TESK2: variants seen among roughly 807,000 people sequenced by gnomAD.
TESK2 encodes dual specificity testis-specific protein kinase 2.
In TESK2, 39 loss-of-function variants were observed where a neutral mutation model predicts 57.1. The ratio of observed to expected loss-of-function variants is 0.68; its 90% CI spans 0.53 to 0.89. The LOEUF is 0.89. Ranked by LOEUF, TESK2 falls within the 40% of genes least tolerant of loss-of-function variation. TESK2 has a pLI of 0.00. For synonymous variants in TESK2, 249 were observed against 267.9 expected (o/e 0.93, Z 0.69); for missense variants, 646 against 732.1 (o/e 0.88, Z 1.36).
intron 1 of TESK2, among the ~76,000 whole-genome samples, chr1:45,458,812 C>T (rs1040194242): frequency 6.6e-6 from 1 of 152,104 alleles, no homozygotes; most frequent in South Asian, 2.1e-4. Flanking sequence ...GTAGAAGTAA[C>T]TATAGAAGGC....
rs766859858 is a variant in TESK2, at chr1:45,345,910, CCTG to C, written c.961_963del (p.Gln321del). 2 of 1,614,122 alleles carry C rather than the reference CCTG, an allele frequency of 1.2e-6. No individual in the cohort carries two copies. Among genetic ancestry groups the C allele is most frequent in the Non-Finnish European group, 1.7e-6 (2 of 1,180,008 alleles). On this transcript the variant is annotated inframe_deletion, in exon 10 of 11. Transcript: ENST00000372086. The stretch of plus-strand genomic sequence containing the variant: ...GTGGGCTGCAGCTTCCTATCCCTCT[CCTG>C]CTCTTCTTCCTGTAGGCGGCTCAGA...
chr1:45,391,749 CTCTCTTTTG>C (rs1262079495), intron 3 of TESK2, among the ~76,000 whole-genome samples: 1 of 152,132 alleles, frequency 6.6e-6, no homozygotes, highest in Non-Finnish European at 1.5e-5. Context: ...TCTCTTCTCT[CTCTCTTTTG>C]TCTCTCCCTA....
chr1:45,464,191 G>A (rs1362663288), intron 1 of TESK2, among the ~76,000 whole-genome samples: 1 of 151,706 alleles, frequency 6.6e-6, no homozygotes, highest in African/African-American at 2.4e-5. Context: ...ATTTTTTGGT[G>A]TCCTCTTCAA....
intron 2 of TESK2, among the ~76,000 whole-genome samples, chr1:45,450,656 AG>A (rs1339799598): frequency 6.6e-6 from 1 of 152,232 alleles, no homozygotes; most frequent in African/African-American, 2.4e-5. Context: ...CTGTCATAAA[AG>A]CATGAGGAAA....
intron 1 of TESK2, among the ~76,000 whole-genome samples, chr1:45,463,729 T>G (rs1266192851): frequency 6.6e-6 from 1 of 151,982 alleles, no homozygotes; most frequent in Admixed American, 6.6e-5. Context: ...GGACTACAGG[T>G]GCATACAACC....
At chr1:45,468,149 C>T (rs1297490805) in intron 1 of TESK2, among the ~76,000 whole-genome samples, 1 of 150,386 alleles carries the variant, frequency 6.6e-6, no homozygotes, top group African/African-American at 2.5e-5. Context: ...GCATTCCAGC[C>T]TGGGCAATAG....
chr1:45,368,093 C>A lies in TESK2; in HGVS notation c.394-12644G>T, dbSNP rs866799329. Among the ~76,000 whole-genome samples the A allele has an allele frequency of 2.5e-3, 371 of 150,170 alleles. 1 individual carries two copies. The highest frequency in any genetic ancestry group is 8.7e-3 in the African/African-American group (357 of 40,808). On this transcript the variant is annotated intron_variant, in intron 4 of 10. Transcript: ENST00000372086. ...CACTGCAACCTCCGCCTCCTGGGTTCAAATGATTCTCCTGCCTCAGCCTCC... is the reference window on the plus strand; with the variant it reads ...CACTGCAACCTCCGCCTCCTGGGTTAAAATGATTCTCCTGCCTCAGCCTCC...
intron 1 of TESK2, among the ~76,000 whole-genome samples, chr1:45,488,579 C>T (rs1030352735): frequency 3.3e-5 from 5 of 152,220 alleles, no homozygotes; most frequent in African/African-American, 9.6e-5. Flanking sequence ...CATACCTGCT[C>T]AAATCCTTGT....
At chr1:45,400,333 G>A (rs1649547125) in intron 3 of TESK2, among the ~76,000 whole-genome samples, 1 of 152,204 alleles carries the variant, frequency 6.6e-6, no homozygotes, top group African/African-American at 2.4e-5. Context: ...AGCCTCCAGA[G>A]AGGAATGCAG....
intron 3 of TESK2, among the ~76,000 whole-genome samples, chr1:45,417,678 G>C (rs1298835524): frequency 6.6e-6 from 1 of 151,554 alleles, no homozygotes; most frequent in Non-Finnish European, 1.5e-5. Flanking sequence ...TGCAAGCTCT[G>C]CCTCCAGGGT....
chr1:45,450,005 C>T (rs1005262688), intron 2 of TESK2, among the ~76,000 whole-genome samples: 3 of 151,956 alleles, frequency 2.0e-5, no homozygotes, highest in Non-Finnish European at 4.4e-5. Flanking sequence ...AATATATATG[C>T]TAATTTAGTG....
Position 45,393,811 on chromosome 1 carries a change from G to A in TESK2, c.345-7851C>T, listed in dbSNP as rs535525793. 1.5e-3 allele frequency among the ~76,000 whole-genome samples: 222 copies of A among 150,840 alleles called. 1 individual carries two copies. Among genetic ancestry groups the A allele is most frequent in the Non-Finnish European group, 2.5e-3 (170 of 67,824 alleles). ...TTGTAAAAAAACAATATACTATAAAGAGGAAATATTACTCATCCTTGACAG... is the reference window on the plus strand; with the variant it reads ...TTGTAAAAAAACAATATACTATAAAAAGGAAATATTACTCATCCTTGACAG... On this transcript the variant is annotated intron_variant, in intron 3 of 10. Coordinates refer to ENST00000372086, the MANE Select transcript of TESK2 (RefSeq NM_007170.3).
chr1:45,445,853 G>A (rs1025211535), intron 2 of TESK2, among the ~76,000 whole-genome samples: 138 of 151,092 alleles, frequency 9.1e-4, no homozygotes, highest in African/African-American at 3.2e-3. Context: ...CAGGACTTAT[G>A]ATCTACACTC....
At chr1:45,365,396 A>G (rs1316221611) in intron 4 of TESK2, among the ~76,000 whole-genome samples, 8 of 152,364 alleles carry the variant, frequency 5.3e-5, no homozygotes, top group African/African-American at 1.9e-4. Context: ...TAATAACCCA[A>G]AATATATTTC....
Position 45,348,020 on chromosome 1 carries a change from A to T in TESK2, c.541-20T>A. The T allele has an allele frequency of 6.5e-7, 1 of 1,537,708 alleles. No individual in the cohort carries two copies. The highest frequency in any genetic ancestry group is 9.0e-7 in the Non-Finnish European group (1 of 1,110,654). On this transcript the variant is annotated intron_variant, in intron 5 of 10. Coordinates refer to ENST00000372086, the MANE Select transcript of TESK2 (RefSeq NM_007170.3). ...GCAGTTCTAGGGTTCCCAGGAAGGA[A>T]GAGAAAATAATGTGGCTCAGAAGCG... is the stretch of plus-strand genomic sequence containing the variant.
intron 1 of TESK2, among the ~76,000 whole-genome samples, chr1:45,475,497 A>C (rs565068824): frequency 5.3e-5 from 8 of 152,096 alleles, no homozygotes; most frequent in Admixed American, 2.0e-4. Context: ...GTGAGCCCCC[A>C]CCACACCCGG....
intron 2 of TESK2, among the ~76,000 whole-genome samples, chr1:45,455,401 T>C (rs1481319626): frequency 6.6e-6 from 1 of 152,132 alleles, no homozygotes; most frequent in Non-Finnish European, 1.5e-5. Context: ...AATAAACAAT[T>C]GCCACACTTC....
Position 45,423,238 on chromosome 1 carries a change from A to T in TESK2, c.223-1392T>A, listed in dbSNP as rs74227015. On this transcript the variant is annotated intron_variant, in intron 2 of 10. Coordinates refer to ENST00000372086, the MANE Select transcript of TESK2 (RefSeq NM_007170.3). ...TGTCTTTATAAGATGCTAAACCCAC[A>T]TACTCAAAGTCTCCCCCAAGTACCA... Among the ~76,000 whole-genome samples the T allele has an allele frequency of 3.4e-3, 524 of 152,280 alleles. 7 individuals are homozygous for T. Among genetic ancestry groups the T allele is most frequent in the East Asian group, 0.031 (161 of 5,180 alleles).
chr1:45,457,743 G>A lies in TESK2; in HGVS notation c.43C>T (p.Arg15Cys), dbSNP rs200465813. ...TCAAACTCTTCAAGACGCTCCACAC[G>A]TGGAGGAAATCCTGCAATTGAATTC... ...KRNSIAGFPP[R>C]VERLEEFEGG... The change falls in exon 2 of 11, where the codon CGT becomes TGT. Residue 15 changes from arginine to cysteine, a missense_variant. Coordinates refer to ENST00000372086, the MANE Select transcript of TESK2 (RefSeq NM_007170.3). The A allele has an allele frequency of 2.2e-5, 35 of 1,614,102 alleles. No individual in the cohort carries two copies. Among genetic ancestry groups the A allele is most frequent in the East Asian group, 8.9e-5 (4 of 44,878 alleles).
Sources: allele counts gnomAD v4.1 joint callset (sites outside exome capture counted in the v4.1 genomes callset), GRCh38; gene constraint gnomAD v4.1.1; transcripts MANE v1.5; gene names NCBI Gene and HGNC (gene_info 2026-07-23, HGNC 2026-07-21).